The following SLC14A2 variants were observed in gnomAD, a reference collection of about 807,000 sequenced individuals.
The protein encoded by SLC14A2 is urea transporter 2.
SLC14A2 carries 91 observed loss-of-function variants against 104.6 expected under a neutral mutation model. The ratio of observed to expected loss-of-function variants is 0.87; its 90% CI spans 0.73 to 1.04. The LOEUF is 1.04. SLC14A2 is among the 50% of genes least tolerant of loss of function. The pLI is 0.00. For synonymous variants in SLC14A2, 476 were observed against 466.4 expected, an observed-to-expected ratio of 1.02 and a Z score of -0.27; for missense variants, 1,189 against 1,156.0, an observed-to-expected ratio of 1.03 and a Z score of -0.41.
chr18:45,307,507 A>AG (rs2085036011), intron 1 of SLC14A2, among the ~76,000 whole-genome samples: 1 of 152,030 alleles, frequency 6.6e-6, no homozygotes, highest in Non-Finnish European at 1.5e-5. Context: ...AAGAATTCAG[A>AG]GGCGAATGGC....
At chr18:45,434,558 T>G (rs1037371811) in intron 1 of SLC14A2, among the ~76,000 whole-genome samples, 2 of 152,210 alleles carry the variant, frequency 1.3e-5, no homozygotes, top group Non-Finnish European at 2.9e-5. Flanking sequence ...GTGGATTTCC[T>G]GCACAGAACC....
At chr18:45,315,608 A>G (rs2085121497) in intron 1 of SLC14A2, among the ~76,000 whole-genome samples, 1 of 152,078 alleles carries the variant, frequency 6.6e-6, no homozygotes, top group Non-Finnish European at 1.5e-5. Flanking sequence ...ATCCCATCCC[A>G]TCCCATGGCC....
intron 2 of SLC14A2, among the ~76,000 whole-genome samples, chr18:45,550,356 C>G (rs1229773889): frequency 1.3e-5 from 2 of 152,180 alleles, no homozygotes; most frequent in Non-Finnish European, 2.9e-5. Context: ...CTTCCATGCC[C>G]TTGTGCATCC....
chr18:45,661,086 G>T (rs1322860906), intron 10 of SLC14A2, among the ~76,000 whole-genome samples: 1 of 152,182 alleles, frequency 6.6e-6, no homozygotes, highest in African/African-American at 2.4e-5. Context: ...GGAACACATA[G>T]CACAGAATCT....
At chr18:45,585,061 A>T (rs973877478) in intron 2 of SLC14A2, among the ~76,000 whole-genome samples, 2 of 151,984 alleles carry the variant, frequency 1.3e-5, no homozygotes, top group African/African-American at 4.8e-5. Context: ...AGATCATGAC[A>T]CCCTCTCCTA....
chr18:45,430,927 CA>C (rs796089621), intron 1 of SLC14A2, among the ~76,000 whole-genome samples: 33 of 152,160 alleles, frequency 2.2e-4, no homozygotes, highest in African/African-American at 7.5e-4. Context: ...AGCCTTTGCC[CA>C]ATGTGAGTTC....
At chr18:45,405,949 A>AC (rs2086150850) in intron 1 of SLC14A2, among the ~76,000 whole-genome samples, 1 of 151,596 alleles carries the variant, frequency 6.6e-6, no homozygotes, top group African/African-American at 2.4e-5. Flanking sequence ...GCGAGTTGTA[A>AC]TTTTTTTTAC....
At chr18:45,432,532 T>G (rs11082449) in intron 1 of SLC14A2, among the ~76,000 whole-genome samples, 85,248 of 151,930 alleles carry the variant, frequency 0.56, 24,135 homozygotes, top group Admixed American at 0.69. Flanking sequence ...TCTGACCACA[T>G]TGCTAGAAAA....
chr18:45,641,828 G>A lies in SLC14A2; in HGVS notation c.1126+485G>A, dbSNP rs115416407. On this transcript the variant is annotated intron_variant, in intron 8 of 19. Transcript: ENST00000255226. Reference sequence around the variant, plus strand: ...GATCCAGTGAGGTGATGTACCAGGAGCACTAAAAATCATAACCACATTATG... The same window carrying A: ...GATCCAGTGAGGTGATGTACCAGGAACACTAAAAATCATAACCACATTATG... 3.5e-3 allele frequency among the ~76,000 whole-genome samples: 539 copies of A among 152,306 alleles called. 3 individuals carry two copies. Among genetic ancestry groups the A allele is most frequent in the African/African-American group, 9.5e-3 (394 of 41,560 alleles).
chr18:45,617,798 C>T (rs978719154), intron 1 of SLC14A2, among the ~76,000 whole-genome samples: 1 of 152,164 alleles, frequency 6.6e-6, no homozygotes, highest in Non-Finnish European at 1.5e-5. Flanking sequence ...TGAGTGAAGC[C>T]AGTGCTCCCA....
chr18:45,645,374 A>G (rs1040456823), intron 10 of SLC14A2, among the ~76,000 whole-genome samples: 8 of 151,876 alleles, frequency 5.3e-5, no homozygotes, highest in African/African-American at 1.9e-4. Context: ...GATTGCTGGG[A>G]CAAATCAAAC....
In SLC14A2 at chr18:45,247,247, A is replaced by G. The variant is rs145812578; in HGVS notation, c.-125+34056A>G. Among the ~76,000 whole-genome samples the G allele has an allele frequency of 1.5e-3, 235 of 152,352 alleles. 2 individuals are homozygous for G. The highest frequency in any genetic ancestry group is 2.7e-3 in the East Asian group (14 of 5,188). ...TTGTTTCAACACCAAACTCCCCGGTACAGTCAAAATTTGATTCTTTCTTTA... is the reference window on the plus strand; with the variant it reads ...TTGTTTCAACACCAAACTCCCCGGTGCAGTCAAAATTTGATTCTTTCTTTA... On this transcript the variant is annotated intron_variant, in intron 1 of 20. Coordinates refer to the SLC14A2 transcript ENST00000586448.
At chr18:45,573,351 A>T (rs2044376176) in intron 2 of SLC14A2, among the ~76,000 whole-genome samples, 1 of 152,100 alleles carries the variant, frequency 6.6e-6, no homozygotes, top group Non-Finnish European at 1.5e-5. Context: ...CAGGGATTCC[A>T]GCCCCACCAG....
At chr18:45,365,699 G>A (rs1415069498) in intron 1 of SLC14A2, among the ~76,000 whole-genome samples, 1 of 152,172 alleles carries the variant, frequency 6.6e-6, no homozygotes, top group Non-Finnish European at 1.5e-5. Context: ...AACACTTTTG[G>A]TGAAGAGGTC....
rs148729728 is a variant in SLC14A2 at position 45,405,802 on chromosome 18, G to C, written c.-124-77431G>C. Among the ~76,000 whole-genome samples the C allele has an allele frequency of 5.6e-3, 850 of 151,946 alleles. 11 individuals are homozygous for C. Among genetic ancestry groups the C allele is most frequent in the African/African-American group, 0.019 (793 of 41,412 alleles). Reference sequence around the variant, plus strand: ...TAATCCCAGCTACTGGGGAGGCTGAGGCAGGAGAATTGCTTGAACCCAGAA... The same window carrying C: ...TAATCCCAGCTACTGGGGAGGCTGACGCAGGAGAATTGCTTGAACCCAGAA... On this transcript the variant is annotated intron_variant, in intron 1 of 20. Coordinates refer to the SLC14A2 transcript ENST00000586448.
Position 45,643,967 on chromosome 18 carries a change from C to T in SLC14A2, c.1177-19C>T. On this transcript the variant is annotated intron_variant, in intron 9 of 19. Transcript: ENST00000255226. ...GGAAACTAGGAAACTTCTTCAGTCCCCAATGCTTTTGTTTCCAGGTGGGCG... is the reference window on the plus strand; with the variant it reads ...GGAAACTAGGAAACTTCTTCAGTCCTCAATGCTTTTGTTTCCAGGTGGGCG... 6.2e-7 allele frequency: 1 copy of T among 1,611,808 alleles called. No individual in the cohort carries two copies. The highest frequency in any genetic ancestry group is 8.5e-7 in the Non-Finnish European group (1 of 1,178,458).
At chr18:45,365,471 A>G (rs1237513155) in intron 1 of SLC14A2, among the ~76,000 whole-genome samples, 2 of 152,262 alleles carry the variant, frequency 1.3e-5, no homozygotes, top group African/African-American at 4.8e-5. Flanking sequence ...GAGAGGAACA[A>G]AACAGGCATG....
intron 1 of SLC14A2, among the ~76,000 whole-genome samples, chr18:45,360,499 A>G (rs2085599762): frequency 6.6e-6 from 1 of 152,232 alleles, no homozygotes; most frequent in African/African-American, 2.4e-5. Context: ...TCAGATCCTC[A>G]ATGCCAGTTA....
At chr18:45,465,370 CAA>C (rs545796374) in intron 1 of SLC14A2, among the ~76,000 whole-genome samples, 3 of 152,156 alleles carry the variant, frequency 2.0e-5, no homozygotes, top group Admixed American at 6.5e-5. Flanking sequence ...GTTGTGGTAA[CAA>C]AGAGGGTTTT....
Sources: gnomAD v4.1 joint callset for allele counts (sites outside exome capture counted in the v4.1 genomes callset) on GRCh38, gnomAD v4.1.1 for gene constraint, MANE v1.5 for transcripts, NCBI Gene and HGNC (gene_info 2026-07-23, HGNC 2026-07-21) for gene names.